The following L3MBTL3 variants were observed in gnomAD, a reference collection of about 807,000 sequenced individuals.
L3MBTL3 encodes L3MBTL histone methyl-lysine binding protein 3.
A neutral mutation model predicts 102.3 loss-of-function variants in L3MBTL3; 27 were observed. The ratio of observed to expected loss-of-function variants is 0.26; its 90% CI spans 0.19 to 0.36. The LOEUF (loss-of-function observed/expected upper bound fraction) is 0.36, where lower values mean the gene tolerates loss of function less well. L3MBTL3 is among the 10% of genes least tolerant of loss of function. The pLI is 1.00. For missense variants in L3MBTL3, 798 were observed against 955.3 expected (o/e 0.84, Z 2.17); for synonymous variants, 340 against 320.9 (o/e 1.06, Z -0.64).
chr6:130,030,206 C>T (rs1340536708), intron 2 of L3MBTL3, among the ~76,000 whole-genome samples: 1 of 150,890 alleles, frequency 6.6e-6, no homozygotes, highest in Admixed American at 6.6e-5. Context: ...ACCAAGCATT[C>T]ACTGTGTGCA....
At chr6:130,083,847 C>T in intron 15 of L3MBTL3, 142 bp downstream of exon 15, 1 of 427,784 alleles carries the variant, frequency 2.3e-6, no homozygotes, top group Non-Finnish European at 4.2e-6. Flanking sequence ...TGAATTTTTA[C>T]AATTTTTAAA....
At chr6:130,117,902 A>ACT (rs1367805531) in intron 19 of L3MBTL3, among the ~76,000 whole-genome samples, 1 of 117,478 alleles carries the variant, frequency 8.5e-6, no homozygotes, top group African/African-American at 3.4e-5. Flanking sequence ...GTGGAGACAC[A>ACT]GTCTCACTGT....
intron 13 of L3MBTL3, among the ~76,000 whole-genome samples, chr6:130,073,225 A>G (rs1183539806): frequency 6.6e-6 from 1 of 152,166 alleles, no homozygotes; most frequent in Non-Finnish European, 1.5e-5. Context: ...TGGTCAACAT[A>G]GCAAGACCCC....
Position 130,078,618 on chromosome 6 carries a change from C to T in L3MBTL3, c.1305C>T (p.Thr435=). Residue 435 remains threonine, a synonymous_variant, in exon 14 of 23, where the codon ACC becomes ACT. Transcript: ENST00000361794. ...PVGWCKEHRR[T]LITPPGYPNV... Reference sequence around the variant, plus strand: ...GTTGGTGTAAGGAACATAGAAGAACCCTTATTACTCCACCAGGTGTGTGTT... The same window carrying T: ...GTTGGTGTAAGGAACATAGAAGAACTCTTATTACTCCACCAGGTGTGTGTT... 6.2e-7 allele frequency: 1 copy of T among 1,603,644 alleles called. No homozygotes were observed.
chr6:130,081,442 G>A (rs999057047), intron 14 of L3MBTL3, among the ~76,000 whole-genome samples: 4 of 148,696 alleles, frequency 2.7e-5, no homozygotes, highest in African/African-American at 7.5e-5. Context: ...TTTTTGAGAC[G>A]GATTCTTGCT....
intron 18 of L3MBTL3, among the ~76,000 whole-genome samples, chr6:130,100,236 A>C (rs553903628): frequency 7.2e-5 from 11 of 152,272 alleles, no homozygotes; most frequent in Admixed American, 6.5e-4. Flanking sequence ...TACCATCCTC[A>C]TTTTACAGAT....
chr6:130,048,462 C>A (rs115904873), intron 3 of L3MBTL3, among the ~76,000 whole-genome samples: 2,596 of 152,180 alleles, frequency 0.017, 36 homozygotes, highest in Middle Eastern at 0.065. Flanking sequence ...AAGCCTTCAA[C>A]ACACACACAC....
At chr6:130,044,065 T>C (rs1037606225) in intron 3 of L3MBTL3, among the ~76,000 whole-genome samples, 1 of 152,204 alleles carries the variant, frequency 6.6e-6, no homozygotes, top group African/African-American at 2.4e-5. Context: ...TCTCCAAATA[T>C]TCATCTGGAT....
chr6:130,117,485 G>A (rs1785795210), intron 19 of L3MBTL3, among the ~76,000 whole-genome samples: 1 of 152,094 alleles, frequency 6.6e-6, no homozygotes, highest in South Asian at 2.1e-4. Context: ...TTATCCCAGA[G>A]TTTTGGCATT....
chr6:130,072,827 T>A (rs972028104), intron 13 of L3MBTL3, among the ~76,000 whole-genome samples: 2 of 152,164 alleles, frequency 1.3e-5, no homozygotes, highest in Non-Finnish European at 2.9e-5. Context: ...CCCTATTGTT[T>A]TAGTGGGATT....
At chr6:130,059,605 A>G (rs1275080954) in intron 9 of L3MBTL3, among the ~76,000 whole-genome samples, 1 of 152,210 alleles carries the variant, frequency 6.6e-6, no homozygotes, top group South Asian at 2.1e-4. Context: ...TATCAAAAAG[A>G]ATTTTTTGAT....
At chr6:130,060,423 G>GC (rs1781813044) in intron 10 of L3MBTL3, among the ~76,000 whole-genome samples, 1 of 151,854 alleles carries the variant, frequency 6.6e-6, no homozygotes, top group South Asian at 2.1e-4. Flanking sequence ...TCTGTCTGAT[G>GC]CCATAGCCCT....
At chr6:130,085,315 G>A (rs986477828) in intron 15 of L3MBTL3, among the ~76,000 whole-genome samples, 12 of 152,122 alleles carry the variant, frequency 7.9e-5, no homozygotes, top group African/African-American at 2.9e-4. Flanking sequence ...CCCATTCCTG[G>A]TTCTATCTTT....
chr6:130,067,404 G>T (rs1037091053), intron 11 of L3MBTL3, among the ~76,000 whole-genome samples: 3 of 152,058 alleles, frequency 2.0e-5, no homozygotes, highest in African/African-American at 7.2e-5. Flanking sequence ...GTAAGCCACC[G>T]TGCCCGGCCA....
intron 18 of L3MBTL3, among the ~76,000 whole-genome samples, chr6:130,102,416 C>T (rs1410683704): frequency 6.6e-6 from 1 of 152,150 alleles, no homozygotes; most frequent in African/African-American, 2.4e-5. Flanking sequence ...CAGTTCTGTC[C>T]CTTGAAATCT....
intron 18 of L3MBTL3, among the ~76,000 whole-genome samples, chr6:130,099,524 T>C (rs543215112): frequency 6.6e-6 from 1 of 152,306 alleles, no homozygotes; most frequent in East Asian, 1.9e-4. Flanking sequence ...AGAACAAATA[T>C]GGAACAGAAA....
intron 22 of L3MBTL3, chr6:130,137,539 A>G (rs1444835600): frequency 6.6e-6 from 1 of 152,162 alleles, no homozygotes; most frequent in African/African-American, 2.4e-5. Flanking sequence ...GTAACCTTAT[A>G]AATAACAACC....
In L3MBTL3 at chr6:130,141,026, C is replaced by T. The variant is rs1030274513; in HGVS notation, c.*1273C>T. On this transcript the variant is annotated 3_prime_UTR_variant, in exon 23 of 23. Transcript: ENST00000361794. The stretch of plus-strand genomic sequence containing the variant: ...TTGATAGCTGGTAGTGTTTCTTTTG[C>T]AAGAATGCATTTCTAAGGCAAAAGG... 7.2e-5 allele frequency: 11 copies of T among 152,602 alleles called. No individual in the cohort carries two copies. The highest frequency in any genetic ancestry group is 1.9e-4 in the African/African-American group (8 of 41,466). The allele number at this position is 152,602 out of a possible 1,614,324, so 9.5% of individuals were successfully genotyped here. A position where few individuals can be genotyped will look rare whatever the true frequency, so the allele number is the denominator to read the frequency against.
At chr6:130,069,811 C>CT (rs1782510243) in intron 12 of L3MBTL3, among the ~76,000 whole-genome samples, 1 of 152,186 alleles carries the variant, frequency 6.6e-6, no homozygotes, top group Non-Finnish European at 1.5e-5. Flanking sequence ...CATTTCGTAT[C>CT]TAAGAGACAA....
Sources: gnomAD v4.1 joint callset for allele counts (sites outside exome capture counted in the v4.1 genomes callset) on GRCh38, gnomAD v4.1.1 for gene constraint, MANE v1.5 for transcripts, NCBI Gene and HGNC (gene_info 2026-07-23, HGNC 2026-07-21) for gene names.